HK1: variants seen among roughly 807,000 people sequenced by gnomAD.
The protein encoded by HK1 is hexokinase-1.
In HK1, 28 loss-of-function variants were observed where a neutral mutation model predicts 91.6. That is an observed-to-expected ratio of 0.31 (90% confidence interval 0.23 to 0.42). HK1 has a LOEUF of 0.42. Ranked by LOEUF, HK1 falls within the 10% of genes least tolerant of loss-of-function variation. HK1 has a pLI of 1.00. For synonymous variants in HK1, 430 were observed against 468.1 expected, an observed-to-expected ratio of 0.92 and a Z score of 1.05; for missense variants, 770 against 1,219.8, an observed-to-expected ratio of 0.63 and a Z score of 5.49.
intron 14 of HK1, among the ~76,000 whole-genome samples, chr10:69,391,827 T>C (rs1265258503): frequency 6.6e-6 from 1 of 152,222 alleles, no homozygotes; most frequent in African/African-American, 2.4e-5. Flanking sequence ...TGATGCTCCA[T>C]CTCTTTGCTA....
Position 69,302,734 on chromosome 10 carries a change from C to T in HK1, c.27+1873C>T, listed in dbSNP as rs558610030. 8.8e-5 allele frequency among the ~76,000 whole-genome samples: 10 copies of T among 114,206 alleles called. 1 individual carries two copies. The highest frequency in any genetic ancestry group is 3.4e-4 in the African/African-American group (10 of 29,112). The allele number at this position is 114,206 out of a possible 152,430, so 74.9% of individuals were successfully genotyped here. ...TTGATCCACTGCACTCCAGCCTGGG[C>T]AAAACTATGGGACCCTGTCTCAAAA... On this transcript the variant is annotated intron_variant, in intron 5 of 21. Transcript: ENST00000360289.
chr10:69,330,620 G>A (rs748923162), intron 1 of HK1, among the ~76,000 whole-genome samples: 4 of 152,106 alleles, frequency 2.6e-5, no homozygotes, highest in Non-Finnish European at 2.9e-5. Flanking sequence ...AAGCAGGAAG[G>A]TCTCTCACCT....
At chr10:69,345,843 A>G (rs1358575961) in intron 2 of HK1, among the ~76,000 whole-genome samples, 1 of 152,156 alleles carries the variant, frequency 6.6e-6, no homozygotes. Flanking sequence ...CATTTGCCAT[A>G]TTGGCTACTC....
At position 69,392,129 on chromosome 10, in the gene HK1, C is replaced by A. The variant is rs2229387; in HGVS notation, c.2040C>A (p.Thr680=). The change falls in exon 15 of 18, where the codon ACC becomes ACA. Residue 680 remains threonine (T), a synonymous_variant. Transcript: ENST00000359426. ...PTCEVGLIVG[T]GSNACYMEEM... ...TTGCCCCCTCGTGTGTTCCAGGGACCGGCAGCAATGCCTGCTACATGGAGG... is the reference window on the plus strand; with the variant it reads ...TTGCCCCCTCGTGTGTTCCAGGGACAGGCAGCAATGCCTGCTACATGGAGG... The A allele has an allele frequency of 1.9e-6, 3 of 1,613,986 alleles. No homozygotes were observed. Among genetic ancestry groups the A allele is most frequent in the Non-Finnish European group, 2.5e-6 (3 of 1,180,030 alleles).
At chr10:69,276,658 T>A (rs910554127) in intron 1 of HK1, among the ~76,000 whole-genome samples, 3 of 150,516 alleles carry the variant, frequency 2.0e-5, no homozygotes, top group Non-Finnish European at 4.4e-5. Context: ...GACTCTGTCT[T>A]AAAAAAAAAT....
intron 2 of HK1, among the ~76,000 whole-genome samples, chr10:69,351,006 T>TAAAAAAA (rs71009213): frequency 3.5e-4 from 38 of 108,704 alleles, no homozygotes; most frequent in African/African-American, 1.2e-3. Flanking sequence ...CCGTCTCTAC[T>TAAAAAAA]AAAAAAAAAA....
At chr10:69,392,091 C>T in intron 14 of HK1, 34 bp from the exon 15 acceptor site, 5 of 1,612,708 alleles carry the variant, frequency 3.1e-6, no homozygotes, top group Admixed American at 1.7e-5. Flanking sequence ...AAATGCAAGG[C>T]CACCGCTCCT....
Position 69,279,227 on chromosome 10 carries a change from C to T in HK1, c.-390-3302C>T, listed in dbSNP as rs937921388. Reference sequence around the variant, plus strand: ...GTTGTATTTCTTCCTGGGCTTTAGTCTGTCTCTTTCTAAAATGGGCTAATC... The same window carrying T: ...GTTGTATTTCTTCCTGGGCTTTAGTTTGTCTCTTTCTAAAATGGGCTAATC... On this transcript the variant is annotated intron_variant, in intron 1 of 21. Transcript: ENST00000360289. 5.3e-5 allele frequency among the ~76,000 whole-genome samples: 8 copies of T among 152,306 alleles called. No individual in the cohort carries two copies. The South Asian group carries it at 1.0e-3, about 20-fold the overall frequency.
intron 1 of HK1, among the ~76,000 whole-genome samples, chr10:69,331,816 CA>C (rs1288259736): frequency 6.6e-6 from 1 of 151,714 alleles, no homozygotes; most frequent in East Asian, 1.9e-4. Flanking sequence ...GTCAAGGCTG[CA>C]GTGAGCCATG....
At position 69,365,670 on chromosome 10, in the gene HK1, G is replaced by A. The variant is rs554250333; in HGVS notation, c.495+768G>A. Among the ~76,000 whole-genome samples, 49 of 152,204 alleles carry A rather than the reference G, an allele frequency of 3.2e-4. No homozygotes were observed. In the South Asian group the frequency reaches 1.0e-2, roughly 31 times the overall value. On this transcript the variant is annotated intron_variant, in intron 4 of 17. Transcript: ENST00000359426. ...AAGCAGAAGGATCACTTAAGTCCAG[G>A]AGTTCAAGACCAGCCTGGGCAATCT...
intron 1 of HK1, among the ~76,000 whole-genome samples, chr10:69,325,044 A>ATTTTT (rs1046990181): frequency 4.8e-4 from 45 of 93,860 alleles, no homozygotes; most frequent in East Asian, 1.8e-3. Flanking sequence ...AAAAATGTGT[A>ATTTTT]TTTTTTTTTT....
intron 2 of HK1, among the ~76,000 whole-genome samples, chr10:69,286,578 C>T (rs1409805265): frequency 2.7e-5 from 4 of 148,590 alleles, no homozygotes; most frequent in Middle Eastern, 3.4e-3. Flanking sequence ...GATGGAGTTT[C>T]GCTCTCGTTG....
chr10:69,342,162 A>AAAACAAACAAAC (rs33984080), intron 1 of HK1, among the ~76,000 whole-genome samples: 185 of 141,020 alleles, frequency 1.3e-3, no homozygotes, highest in South Asian at 7.3e-3. Context: ...ACCAACCCCA[A>AAAACAAACAAAC]AAACAAACAA....
At chr10:69,283,124 C>T (rs1408361145) in intron 2 of HK1, among the ~76,000 whole-genome samples, 4 of 60,834 alleles carry the variant, frequency 6.6e-5, no homozygotes, top group East Asian at 5.4e-4. Flanking sequence ...AACTCAGTTT[C>T]AAAAAAAAAA....
In HK1 at chr10:69,395,134, G is replaced by C. The variant is rs533575803; in HGVS notation, c.2375+29G>C. ...AGTGGGCAGTGTCTTCCCTGCCAGC[G>C]CCCACCCTTCAGAGGTCGCCTGGCT... is the stretch of plus-strand genomic sequence containing the variant. On this transcript the variant is annotated intron_variant, in intron 16 of 17. Transcript: ENST00000359426. 1.4e-5 allele frequency: 22 copies of C among 1,609,904 alleles called. No homozygotes were observed. The East Asian group carries it at 4.2e-4, about 31-fold the overall frequency.
At chr10:69,292,569 G>A (rs916499769) in intron 3 of HK1, among the ~76,000 whole-genome samples, 2 of 152,164 alleles carry the variant, frequency 1.3e-5, no homozygotes, top group Non-Finnish European at 2.9e-5. Context: ...GTCACTCTGG[G>A]TTCCATCCCT....
In HK1 at chr10:69,364,794, T is replaced by A; in HGVS notation, c.387T>A (p.His129Gln). The part of the protein sequence containing the change: ...VHGSGSQLFD[H>Q]VAECLGDFME... ...CATGTTTCCTTCAGCTTTTTGATCA[T>A]GTTGCTGAGTGCCTGGGAGATTTCA... is the stretch of plus-strand genomic sequence containing the variant. The change falls in exon 4 of 18, where the codon CAT becomes CAA. Residue 129 changes from histidine (H) to glutamine (Q), a missense_variant. Coordinates refer to ENST00000359426, the MANE Select transcript of HK1 (RefSeq NM_000188.3). 1 of 1,614,186 alleles carries A rather than the reference T, an allele frequency of 6.2e-7. No homozygotes were observed. The highest frequency in any genetic ancestry group is 8.5e-7 in the Non-Finnish European group (1 of 1,180,020).
rs554100575 is a variant in HK1 at position 69,272,978 on chromosome 10, AT to A, written c.-391+2880del. 6.1e-3 allele frequency among the ~76,000 whole-genome samples: 586 copies of A among 96,586 alleles called. 3 individuals carry two copies. Among genetic ancestry groups the A allele is most frequent in the Non-Finnish European group, 8.2e-3 (354 of 43,206 alleles). The allele number at this position is 96,586 out of a possible 152,430, so 63.4% of individuals were successfully genotyped here. On this transcript the variant is annotated intron_variant, in intron 1 of 21. Coordinates refer to the HK1 transcript ENST00000360289. ...CAAGTTCTGTTCCAGTTTTTTTGCCATTTTTTTTTTCTCTGTGCTTCCGTTT... is the reference window on the plus strand; with the variant it reads ...CAAGTTCTGTTCCAGTTTTTTTGCCATTTTTTTTTCTCTGTGCTTCCGTTT...
At chr10:69,286,983 C>T (rs377412075) in intron 2 of HK1, among the ~76,000 whole-genome samples, 2 of 152,240 alleles carry the variant, frequency 1.3e-5, no homozygotes, top group African/African-American at 4.8e-5. Context: ...TGGTTATGCA[C>T]TCCATCAGTA....
Sources: gnomAD v4.1 joint callset for allele counts (sites outside exome capture counted in the v4.1 genomes callset) on GRCh38, gnomAD v4.1.1 for gene constraint, MANE v1.5 for transcripts, NCBI Gene and HGNC (gene_info 2026-07-23, HGNC 2026-07-21) for gene names.